The following COL15A1 variants were observed in gnomAD, a reference collection of about 807,000 sequenced individuals.
The protein encoded by COL15A1 is collagen alpha-1(XV) chain.
In COL15A1, 111 loss-of-function variants were observed where a neutral mutation model predicts 165.9. The ratio of observed to expected loss-of-function variants is 0.67; its 90% CI spans 0.57 to 0.78. The LOEUF (loss-of-function observed/expected upper bound fraction) is 0.78. Among genes scored for constraint, COL15A1 ranks in the 30% least tolerant of loss-of-function variants. COL15A1 has a pLI of 0.00. For missense variants in COL15A1, 1,745 were observed against 1,789.7 expected (o/e 0.98, Z 0.45); for synonymous variants, 659 against 674.8 (o/e 0.98, Z 0.36).
chr9:99,047,882 C>A (rs200622293), intron 27 of COL15A1, 43 bp downstream of exon 27: 1 of 1,609,322 alleles, frequency 6.2e-7, no homozygotes, highest in Non-Finnish European at 8.5e-7. Flanking sequence ...GGGGAGGACA[C>A]GTGGGCCAGG....
chr9:98,953,677 C>T (rs983651438), intron 2 of COL15A1, among the ~76,000 whole-genome samples: 2 of 152,202 alleles, frequency 1.3e-5, no homozygotes, highest in African/African-American at 4.8e-5. Flanking sequence ...GACCAGGGCC[C>T]CTGACCTTAG....
At chr9:99,025,071 T>C (rs1839100242) in intron 15 of COL15A1, 72 bp downstream of exon 15, 2 of 1,429,342 alleles carry the variant, frequency 1.4e-6, no homozygotes, top group African/African-American at 2.8e-5. Flanking sequence ...GGTGTACAGA[T>C]TGCAAAACCC....
intron 16 of COL15A1, among the ~76,000 whole-genome samples, chr9:99,032,759 G>A (rs1338239668): frequency 6.6e-6 from 1 of 152,104 alleles, no homozygotes. Flanking sequence ...GGAGAATTCT[G>A]TAGCTTGATC....
intron 40 of COL15A1, among the ~76,000 whole-genome samples, chr9:99,067,999 G>A (rs1268433525): frequency 6.6e-6 from 1 of 152,196 alleles, no homozygotes; most frequent in Non-Finnish European, 1.5e-5. Context: ...AAGGAGGCTT[G>A]TATACACTTC....
At chr9:98,992,073 G>A (rs557462152) in intron 5 of COL15A1, among the ~76,000 whole-genome samples, 40 of 152,378 alleles carry the variant, frequency 2.6e-4, no homozygotes, top group East Asian at 5.8e-4. Flanking sequence ...GATCCCGCAC[G>A]AGGGCAGCAG....
chr9:99,063,070 A>T lies in COL15A1; in HGVS notation c.3612A>T (p.Pro1204=). 6.3e-7 allele frequency: 1 copy of T among 1,587,770 alleles called. No individual in the cohort carries two copies. Among genetic ancestry groups the T allele is most frequent in the Non-Finnish European group, 8.5e-7 (1 of 1,171,738 alleles). ...LSSNPHQLLP[P]PNPISSANYE... is the part of the protein sequence containing the mutation. ...AACAGCCACATCAGCTTCTGCCTCC[A>T]CCAAACCCTATTTCAAGTGCCAATT... The change falls in exon 39 of 42, where the codon CCA becomes CCT. Residue 1204 remains proline, a synonymous_variant. Transcript: ENST00000375001.
intron 5 of COL15A1, 137 bp downstream of exon 5, chr9:98,989,395 G>C (rs1838377973): frequency 8.6e-6 from 6 of 698,716 alleles, no homozygotes; most frequent in Admixed American, 3.0e-5. Context: ...CATCTGGGGG[G>C]GTCAGGAAAA....
intron 2 of COL15A1, among the ~76,000 whole-genome samples, chr9:98,964,089 G>A (rs556577983): frequency 9.2e-5 from 14 of 152,354 alleles, no homozygotes; most frequent in East Asian, 3.9e-4. Flanking sequence ...TGGCTAGTAC[G>A]TGGCTGAGCA....
intron 35 of COL15A1, among the ~76,000 whole-genome samples, chr9:99,059,418 GC>G (rs1825774612): frequency 6.6e-6 from 1 of 152,136 alleles, no homozygotes; most frequent in Non-Finnish European, 1.5e-5. Context: ...CATGTCTCTG[GC>G]CCCAAGGCCA....
intron 11 of COL15A1, 61 bp downstream of exon 11, chr9:99,016,180 G>C (rs190270478): frequency 6.6e-7 from 1 of 1,515,142 alleles, no homozygotes; most frequent in African/African-American, 1.4e-5. Flanking sequence ...AGAAAGAAAG[G>C]CCAGAGTTGT....
chr9:99,042,007 T>C lies in COL15A1; in HGVS notation c.2512-38T>C, dbSNP rs773185332. 4 of 1,383,342 alleles carry C rather than the reference T, an allele frequency of 2.9e-6. No individual in the cohort carries two copies. The Admixed American group carries it at 5.5e-5, about 19-fold the overall frequency. The allele number at this position is 1,383,342 out of a possible 1,614,324, so 85.7% of individuals were successfully genotyped here. The stretch of plus-strand genomic sequence containing the variant: ...CTGATTGGTTTATGCATTTTAATCT[T>C]AACGAACAACCAAATACTATATAAC... On this transcript the variant is annotated intron_variant, in intron 23 of 41. Transcript: ENST00000375001.
intron 2 of COL15A1, among the ~76,000 whole-genome samples, chr9:98,959,384 C>T (rs535509390): frequency 2.0e-5 from 3 of 152,028 alleles, no homozygotes; most frequent in African/African-American, 4.8e-5. Context: ...TAAAACAAAG[C>T]TACAGTACTC....
chr9:98,987,378 C>G lies in COL15A1; in HGVS notation c.723+10C>G, dbSNP rs764917147. 74 of 1,605,558 alleles carry G rather than the reference C, an allele frequency of 4.6e-5. No homozygotes were observed. Among genetic ancestry groups the G allele is most frequent in the Non-Finnish European group, 6.0e-5 (70 of 1,175,924 alleles). On this transcript the variant is annotated intron_variant, in intron 4 of 41. Transcript: ENST00000375001. ...CCCTGAAGAGTCCTCGGTGAGCTCC[C>G]CTACTATCCCACAGTGGGCCCTGCA...
At chr9:98,967,928 A>G (rs1479846531) in intron 2 of COL15A1, among the ~76,000 whole-genome samples, 2 of 152,202 alleles carry the variant, frequency 1.3e-5, no homozygotes, top group African/African-American at 4.8e-5. Context: ...AGGGTTTCTG[A>G]TTTTGTAGGT....
At chr9:98,967,298 C>A (rs1480376349) in intron 2 of COL15A1, among the ~76,000 whole-genome samples, 1 of 152,174 alleles carries the variant, frequency 6.6e-6, no homozygotes, top group African/African-American at 2.4e-5. Context: ...AAGGTGTGTG[C>A]CGACCCTTCT....
chr9:98,991,268 C>A (rs1031227703), intron 5 of COL15A1, among the ~76,000 whole-genome samples: 11 of 149,762 alleles, frequency 7.3e-5, no homozygotes, highest in African/African-American at 2.0e-4. Flanking sequence ...GACCCCCCCC[C>A]ACATCCTGCT....
At chr9:98,992,342 G>A (rs574611026) in intron 5 of COL15A1, among the ~76,000 whole-genome samples, 1 of 152,368 alleles carries the variant, frequency 6.6e-6, no homozygotes, top group East Asian at 1.9e-4. Context: ...GCAGCTGCTG[G>A]CCTGGGTGCT....
chr9:98,988,233 G>C (rs574283481), intron 4 of COL15A1, among the ~76,000 whole-genome samples: 27 of 152,350 alleles, frequency 1.8e-4, no homozygotes, highest in African/African-American at 6.5e-4. Context: ...GCCCCTGAGA[G>C]GTGGAATTTG....
At chr9:99,067,816 T>A (rs1825919534) in intron 40 of COL15A1, among the ~76,000 whole-genome samples, 1 of 152,178 alleles carries the variant, frequency 6.6e-6, no homozygotes, top group South Asian at 2.1e-4. Context: ...TATTCTTGGA[T>A]CTCTCTACAA....
Sources: gnomAD v4.1 joint callset for allele counts (sites outside exome capture counted in the v4.1 genomes callset) on GRCh38, gnomAD v4.1.1 for gene constraint, MANE v1.5 for transcripts, NCBI Gene and HGNC (gene_info 2026-07-23, HGNC 2026-07-21) for gene names.